Variants in SDCCAG8 observed in about 807,000 individuals in gnomAD.
SDCCAG8 encodes serologically defined colon cancer antigen 8.
Under a neutral mutation model 101.8 loss-of-function variants are expected in SDCCAG8, and 74 were observed. That is an observed-to-expected ratio of 0.73 (90% CI 0.60 to 0.88). The LOEUF is 0.88. Among genes scored for constraint, SDCCAG8 ranks in the 40% least tolerant of loss-of-function variants. The probability of loss-of-function intolerance (pLI) is 0.00; values close to 1 mark genes in which losing one functional copy is unlikely to be tolerated. For synonymous variants in SDCCAG8, 281 were observed against 292.9 expected (o/e 0.96, Z 0.41); for missense variants, 787 against 822.6 (o/e 0.96, Z 0.53).
At chr1:243,427,496 G>A (rs1573981503) in intron 16 of SDCCAG8, among the ~76,000 whole-genome samples, 1 of 152,138 alleles carries the variant, frequency 6.6e-6, no homozygotes, top group East Asian at 1.9e-4. Context: ...ACAACCGCAT[G>A]CACGATGATA....
intron 9 of SDCCAG8, among the ~76,000 whole-genome samples, chr1:243,323,546 A>G (rs1011591565): frequency 1.3e-5 from 2 of 152,012 alleles, no homozygotes; most frequent in Admixed American, 6.6e-5. Flanking sequence ...TCCTGCCCAC[A>G]GCCTTTGTTT....
chr1:243,273,261 AAG>A (rs2068240852), intron 3 of SDCCAG8, among the ~76,000 whole-genome samples: 1 of 152,222 alleles, frequency 6.6e-6, no homozygotes, highest in Admixed American at 6.5e-5. Context: ...TGTGCTGAGA[AAG>A]AGAGTGGCTG....
chr1:243,269,321 T>C (rs1262013905), intron 1 of SDCCAG8: 2 of 150,836 alleles, frequency 1.3e-5, no homozygotes, highest in East Asian at 1.9e-4. Context: ...TTTTTTTTTT[T>C]CTGAAACAGT....
At chr1:243,275,895 C>T (rs1006565136) in intron 4 of SDCCAG8, among the ~76,000 whole-genome samples, 109 of 115,824 alleles carry the variant, frequency 9.4e-4, no homozygotes, top group Non-Finnish European at 1.5e-3. Flanking sequence ...GATGGAGTCT[C>T]GCATTGTCGC....
Position 243,286,267 on chromosome 1 carries a change from T to C in SDCCAG8, c.421-5T>C. Reference sequence around the variant, plus strand: ...GCTTAATGTGTTTGGTTTTGTTTATTATAGGAGGAACTCTCTGGAATGAAA... The same window carrying C: ...GCTTAATGTGTTTGGTTTTGTTTATCATAGGAGGAACTCTCTGGAATGAAA... On this transcript the variant is annotated splice_polypyrimidine_tract_variant and splice_region_variant and intron_variant, in intron 4 of 17. Coordinates refer to ENST00000366541, the MANE Select transcript of SDCCAG8 (RefSeq NM_006642.5). 1 of 1,613,898 alleles carries C rather than the reference T, an allele frequency of 6.2e-7. No individual in the cohort carries two copies. Among genetic ancestry groups the C allele is most frequent in the African/African-American group, 1.3e-5 (1 of 75,050 alleles).
chr1:243,422,961 G>A (rs963039318), intron 15 of SDCCAG8, among the ~76,000 whole-genome samples: 4 of 152,120 alleles, frequency 2.6e-5, no homozygotes, highest in Non-Finnish European at 5.9e-5. Context: ...GGATAATCAT[G>A]CCAGAAATGT....
At chr1:243,376,358 A>G (rs1479214728) in intron 12 of SDCCAG8, among the ~76,000 whole-genome samples, 1 of 152,198 alleles carries the variant, frequency 6.6e-6, no homozygotes, top group East Asian at 1.9e-4. Flanking sequence ...TGACTTGTCC[A>G]AGGTCACAGA....
In SDCCAG8 at chr1:243,274,557, T is replaced by G. The variant is rs766899717; in HGVS notation, c.321T>G (p.His107Gln). 2.5e-6 allele frequency: 4 copies of G among 1,590,552 alleles called. No homozygotes were observed. Among genetic ancestry groups the G allele is most frequent in the Non-Finnish European group, 3.4e-6 (4 of 1,159,858 alleles). Residue 107 changes from histidine to glutamine, a missense_variant, in exon 4 of 18, where the codon CAT becomes CAG. Transcript: ENST00000366541. The part of the protein sequence containing the change: ...RKMSPLRSLE[H>Q]EETNMPTMHD... The stretch of plus-strand genomic sequence containing the variant: ...TTTTGTCATAGAGGTCATTAGAACA[T>G]GAGGAAACCAATATGCCTACTATGC...
At chr1:243,278,825 C>T (rs1427297438) in intron 4 of SDCCAG8, among the ~76,000 whole-genome samples, 1 of 152,088 alleles carries the variant, frequency 6.6e-6, no homozygotes, top group Admixed American at 6.5e-5. Flanking sequence ...CTGGAGTGCA[C>T]AGGCTGGAGT....
In SDCCAG8 at chr1:243,437,703, ATT is replaced by A. The variant is rs530270653; in HGVS notation, c.1985+11152_1985+11153del. ...AGGCACCCGCCACCAGGCCTGGCTA[ATT>A]TTTTTTGTATTTTTAGTAGAGACGG... On this transcript the variant is annotated intron_variant, in intron 16 of 17. Coordinates refer to ENST00000366541, the MANE Select transcript of SDCCAG8 (RefSeq NM_006642.5). 2.6e-5 allele frequency among the ~76,000 whole-genome samples: 4 copies of A among 151,434 alleles called. No individual in the cohort carries two copies. The South Asian group carries it at 8.3e-4, about 32-fold the overall frequency.
At chr1:243,267,647 A>T (rs2067733663) in intron 1 of SDCCAG8, 1 of 742,316 alleles carries the variant, frequency 1.3e-6, no homozygotes, top group Admixed American at 1.8e-5. Flanking sequence ...GGCACAATGT[A>T]ACACTTACAC....
chr1:243,459,612 T>G (rs1658633921), intron 16 of SDCCAG8, among the ~76,000 whole-genome samples: 2 of 152,026 alleles, frequency 1.3e-5, no homozygotes, highest in South Asian at 4.2e-4. Flanking sequence ...AGCTAATAAG[T>G]TTTTGTTTTT....
chr1:243,306,500 ATTAT>A (rs1056066892), intron 7 of SDCCAG8: 2 of 152,260 alleles, frequency 1.3e-5, no homozygotes, highest in Middle Eastern at 3.4e-3. Flanking sequence ...ATAATTTAAG[ATTAT>A]TTAAAGAGGC....
chr1:243,322,806 A>AAGCCTC (rs1230238821), intron 9 of SDCCAG8, among the ~76,000 whole-genome samples: 1 of 151,674 alleles, frequency 6.6e-6, no homozygotes, highest in Non-Finnish European at 1.5e-5. Context: ...TAGCTAGTTC[A>AAGCCTC]AGCCTCCCAA....
Position 243,378,963 on chromosome 1 carries a change from A to G in SDCCAG8, c.1616+100A>G, listed in dbSNP as rs1250066874. 1.5e-5 allele frequency: 22 copies of G among 1,468,090 alleles called. No individual in the cohort carries two copies. In the South Asian group the frequency reaches 2.3e-4, roughly 15 times the overall value. 90.9% of individuals were successfully genotyped at this position (1,468,090 alleles called of 1,614,324 possible). On this transcript the variant is annotated intron_variant, in intron 13 of 17. Transcript: ENST00000366541. ...TGTTAGAGTTAGTCTTAGTCATTCA[A>G]TTCACACTTAGCTTTCAGGCATATT...
At chr1:243,328,194 G>C (rs2074338803) in intron 9 of SDCCAG8, among the ~76,000 whole-genome samples, 1 of 152,066 alleles carries the variant, frequency 6.6e-6, no homozygotes, top group Non-Finnish European at 1.5e-5. Context: ...GAGCCACTGT[G>C]CCCGGCCTTA....
intron 12 of SDCCAG8, among the ~76,000 whole-genome samples, chr1:243,348,202 ATTTTTTT>A (rs74162279): frequency 0.42 from 54,965 of 131,598 alleles, 12,958 homozygotes; most frequent in East Asian, 0.79. Flanking sequence ...CGCCCGGCTA[ATTTTTTT>A]TTTTTTTTTT....
In SDCCAG8 at chr1:243,365,064, G is replaced by A. The variant is rs1411219981; in HGVS notation, c.1474-13657G>A. 3.9e-5 allele frequency among the ~76,000 whole-genome samples: 6 copies of A among 152,182 alleles called. No individual in the cohort carries two copies. The East Asian group carries it at 1.2e-3, about 29-fold the overall frequency. On this transcript the variant is annotated intron_variant, in intron 12 of 17. Coordinates refer to ENST00000366541, the MANE Select transcript of SDCCAG8 (RefSeq NM_006642.5). ...CTTATTTATGCTTGTAACTGAGTTA[G>A]CGTTGTGGCTTGGCATTATTCCACA... is the stretch of plus-strand genomic sequence containing the variant.
At chr1:243,322,477 C>T (rs2073835628) in intron 9 of SDCCAG8, among the ~76,000 whole-genome samples, 1 of 152,228 alleles carries the variant, frequency 6.6e-6, no homozygotes, top group Admixed American at 6.5e-5. Flanking sequence ...GCCTGGACTA[C>T]ATGACTTGCA....
Sources: gnomAD v4.1 joint callset for allele counts (sites outside exome capture counted in the v4.1 genomes callset) on GRCh38, gnomAD v4.1.1 for gene constraint, MANE v1.5 for transcripts, NCBI Gene and HGNC (gene_info 2026-07-23, HGNC 2026-07-21) for gene names.